Variants in DGKG observed in about 807,000 individuals in gnomAD.
DGKG encodes the protein diacylglycerol kinase gamma, also known as DAG kinase gamma.
A neutral mutation model predicts 105.3 loss-of-function variants in DGKG; 78 were observed. The ratio of observed to expected loss-of-function variants is 0.74; its 90% CI spans 0.62 to 0.89. The LOEUF is 0.89. DGKG is among the 40% of genes least tolerant of loss of function. The pLI is 0.00. For missense variants in DGKG, 958 were observed against 1,020.1 expected (o/e 0.94, Z 0.83); for synonymous variants, 346 against 367.1 (o/e 0.94, Z 0.66).
At chr3:186,301,264 C>T (rs1271485315) in intron 3 of DGKG, among the ~76,000 whole-genome samples, 1 of 152,218 alleles carries the variant, frequency 6.6e-6, no homozygotes, top group East Asian at 1.9e-4. Flanking sequence ...GTCCTCCCAC[C>T]TATCTTGCCT....
At chr3:186,349,132 C>A (rs1467777093) in intron 1 of DGKG, among the ~76,000 whole-genome samples, 1 of 151,856 alleles carries the variant, frequency 6.6e-6, no homozygotes, top group Non-Finnish European at 1.5e-5. Flanking sequence ...AGTGCCATGT[C>A]ACGATCTTGG....
chr3:186,259,373 A>G (rs1276169353), intron 16 of DGKG, among the ~76,000 whole-genome samples: 1 of 152,230 alleles, frequency 6.6e-6, no homozygotes, highest in Admixed American at 6.5e-5. Flanking sequence ...GATGGCAATC[A>G]CGGTGACTGT....
chr3:186,355,508 C>T (rs886400914), intron 1 of DGKG, among the ~76,000 whole-genome samples: 1 of 151,160 alleles, frequency 6.6e-6, no homozygotes, highest in Non-Finnish European at 1.5e-5. Context: ...ACCACCACCA[C>T]CATCACCTCC....
intron 2 of DGKG, among the ~76,000 whole-genome samples, chr3:186,314,753 C>CAAAA (rs1161706511): frequency 1.1e-4 from 7 of 62,604 alleles, no homozygotes; most frequent in African/African-American, 2.9e-4. Context: ...GACTCCGTCT[C>CAAAA]AAAAAAAAAA....
intron 2 of DGKG, among the ~76,000 whole-genome samples, chr3:186,310,504 T>C (rs1456194372): frequency 2.0e-5 from 3 of 152,192 alleles, no homozygotes; most frequent in Non-Finnish European, 2.9e-5. Flanking sequence ...TTCTTCTTAA[T>C]AGATGTCTGG....
At position 186,149,234 on chromosome 3, in the gene DGKG, T is replaced by A. The variant is rs1435756885; in HGVS notation, c.*856A>T. Reference sequence around the variant, plus strand: ...GCTTGAAAAAGAAAGAAGCTGGGGGTGGTTTTTTTTTTCCTTCCCTTTTTA... The same window carrying A: ...GCTTGAAAAAGAAAGAAGCTGGGGGAGGTTTTTTTTTTCCTTCCCTTTTTA... On this transcript the variant is annotated 3_prime_UTR_variant, in exon 25 of 25. Coordinates refer to ENST00000265022, the MANE Select transcript of DGKG (RefSeq NM_001346.3). 9 of 984,178 alleles carry A rather than the reference T, an allele frequency of 9.1e-6. No individual in the cohort carries two copies. The highest frequency in any genetic ancestry group is 1.1e-5 in the Non-Finnish European group (9 of 829,626). 61.0% of individuals were successfully genotyped at this position (984,178 alleles called of 1,614,324 possible).
intron 20 of DGKG, among the ~76,000 whole-genome samples, chr3:186,225,285 T>C (rs1027518292): frequency 2.0e-5 from 3 of 152,094 alleles, no homozygotes; most frequent in African/African-American, 4.8e-5. Context: ...TTTTTTTTAA[T>C]GACATCTAGG....
intron 1 of DGKG, among the ~76,000 whole-genome samples, chr3:186,329,720 T>G (rs1725510892): frequency 6.6e-6 from 1 of 152,246 alleles, no homozygotes; most frequent in Admixed American, 6.5e-5. Context: ...CTACTGTTCC[T>G]TCTTCAACTC....
Position 186,251,676 on chromosome 3 carries a change from G to C in DGKG, c.1761+83C>G, listed in dbSNP as rs1023900460. On this transcript the variant is annotated intron_variant, in intron 19 of 24. Coordinates refer to ENST00000265022, the MANE Select transcript of DGKG (RefSeq NM_001346.3). ...GGCAGGTAAGACAGGTAGACACTAG[G>C]GACCCAGAGGGGACAACAGAAGGCT... 3.3e-6 allele frequency: 5 copies of C among 1,524,422 alleles called. No homozygotes were observed. The African/African-American group carries it at 5.5e-5, about 17-fold the overall frequency. 94.4% of individuals were successfully genotyped at this position (1,524,422 alleles called of 1,614,324 possible).
At chr3:186,296,718 G>A (rs1723582260) in intron 5 of DGKG, among the ~76,000 whole-genome samples, 1 of 152,154 alleles carries the variant, frequency 6.6e-6, no homozygotes, top group Admixed American at 6.5e-5. Flanking sequence ...TTTTGAGGTT[G>A]GATGATTCTG....
intron 20 of DGKG, among the ~76,000 whole-genome samples, chr3:186,223,615 A>T (rs1004411497): frequency 2.6e-5 from 4 of 152,116 alleles, no homozygotes; most frequent in African/African-American, 9.7e-5. Flanking sequence ...GTGCCAGTTT[A>T]AAAAATCTTA....
intron 13 of DGKG, among the ~76,000 whole-genome samples, chr3:186,266,368 T>G (rs1722057436): frequency 6.6e-6 from 1 of 152,228 alleles, no homozygotes; most frequent in South Asian, 2.1e-4. Flanking sequence ...CCGATATGCC[T>G]CAATTTATTC....
intron 1 of DGKG, among the ~76,000 whole-genome samples, chr3:186,338,169 C>CA (rs34436386): frequency 0.15 from 11,458 of 75,338 alleles, 762 homozygotes; most frequent in Admixed American, 0.27. Flanking sequence ...GACCCTATCT[C>CA]AAAAAAAAAA....
Position 186,284,542 on chromosome 3 carries a change from C to G in DGKG, c.594+118G>C. On this transcript the variant is annotated intron_variant, in intron 7 of 24. Coordinates refer to ENST00000265022, the MANE Select transcript of DGKG (RefSeq NM_001346.3). This position sits in a 1 kb window ranked among gnomAD's most constrained non-coding sequence, Gnocchi z 4.0. ...CTAGTCGGATTTCCTCAGCCTGCATCGAGACATTGCTATTACTACAAAGAC... is the reference window on the plus strand; with the variant it reads ...CTAGTCGGATTTCCTCAGCCTGCATGGAGACATTGCTATTACTACAAAGAC... 1.1e-6 allele frequency: 1 copy of G among 883,110 alleles called. No individual in the cohort carries two copies. The highest frequency in any genetic ancestry group is 1.9e-6 in the Non-Finnish European group (1 of 532,842). The allele number at this position is 883,110 out of a possible 1,614,324, so 54.7% of individuals were successfully genotyped here.
intron 20 of DGKG, among the ~76,000 whole-genome samples, chr3:186,223,011 C>CTATATA (rs55753193): frequency 0.087 from 7,022 of 80,430 alleles, 1,046 homozygotes; most frequent in African/African-American, 0.17. Flanking sequence ...TGTATGTATA[C>CTATATA]TATATATATA....
chr3:186,323,797 C>T (rs369731527), intron 1 of DGKG, among the ~76,000 whole-genome samples: 29 of 152,040 alleles, frequency 1.9e-4, no homozygotes, highest in African/African-American at 5.8e-4. Flanking sequence ...ATTAGCCAGG[C>T]GTGGTGGTGG....
At chr3:186,194,387 G>A (rs1442085071) in intron 21 of DGKG, among the ~76,000 whole-genome samples, 1 of 152,226 alleles carries the variant, frequency 6.6e-6, no homozygotes, top group Non-Finnish European at 1.5e-5. Context: ...CGGTGCCGGC[G>A]TTTCCGCGCC....
intron 11 of DGKG, among the ~76,000 whole-genome samples, chr3:186,269,841 G>T (rs1271089774): frequency 6.6e-6 from 1 of 152,166 alleles, no homozygotes; most frequent in African/African-American, 2.4e-5. Flanking sequence ...GAAACAGGTG[G>T]GAATAGTGGG....
chr3:186,149,840 C>G lies in DGKG; in HGVS notation c.*250G>C, dbSNP rs762492904. On this transcript the variant is annotated 3_prime_UTR_variant, in exon 25 of 25. Coordinates refer to ENST00000265022, the MANE Select transcript of DGKG (RefSeq NM_001346.3). ...GGTTGCTGCCTAAGCCAGCCACAAC[C>G]TCATGGGCCCTAAGTCCATTCAAAA... 2 of 1,203,954 alleles carry G rather than the reference C, an allele frequency of 1.7e-6. No individual in the cohort carries two copies. Among genetic ancestry groups the G allele is most frequent in the Non-Finnish European group, 2.1e-6 (2 of 967,170 alleles). The allele number at this position is 1,203,954 out of a possible 1,614,324, so 74.6% of individuals were successfully genotyped here.
Sources: allele counts gnomAD v4.1 joint callset (sites outside exome capture counted in the v4.1 genomes callset), GRCh38; gene constraint gnomAD v4.1.1; non-coding constraint Gnocchi (gnomAD v3.1); transcripts MANE v1.5; gene names NCBI Gene and HGNC (gene_info 2026-07-23, HGNC 2026-07-21).